The following PDE1C variants were observed in gnomAD, a reference collection of about 807,000 sequenced individuals.
The protein encoded by PDE1C is phosphodiesterase 1C.
In PDE1C, 62 loss-of-function variants were observed where a neutral mutation model predicts 93.1. That is an observed-to-expected ratio of 0.67 (90% CI 0.54 to 0.82). The LOEUF is 0.82. PDE1C is among the 40% of genes least tolerant of loss of function. The probability of loss-of-function intolerance (pLI) is 0.00; values close to 1 mark genes in which losing one functional copy is unlikely to be tolerated. For synonymous variants in PDE1C, 325 were observed against 310.1 expected (o/e 1.05, Z -0.50); for missense variants, 742 against 884.6 (o/e 0.84, Z 2.04).
At chr7:31,960,003 T>C (rs1399085239) in intron 2 of PDE1C, among the ~76,000 whole-genome samples, 1 of 150,748 alleles carries the variant, frequency 6.6e-6, no homozygotes, top group Non-Finnish European at 1.5e-5. Flanking sequence ...ATAGCTGGGA[T>C]TACAAGCGCC....
intron 2 of PDE1C, among the ~76,000 whole-genome samples, chr7:32,020,488 G>A (rs1563204868): frequency 1.3e-5 from 2 of 152,004 alleles, no homozygotes; most frequent in African/African-American, 4.8e-5. Context: ...ACAAGGACCT[G>A]AAAAATACCA....
chr7:32,055,109 C>T (rs897068131), intron 1 of PDE1C, among the ~76,000 whole-genome samples: 4 of 152,204 alleles, frequency 2.6e-5, no homozygotes, highest in African/African-American at 4.8e-5. Flanking sequence ...GCTAGTGTTT[C>T]TTCCTTGTCA....
At chr7:31,621,055 G>GA in the PDE1C span, among the ~76,000 whole-genome samples, 3 of 151,582 alleles carry the variant, frequency 2.0e-5, no homozygotes, top group Non-Finnish European at 4.4e-5. Context: ...GAAGTTTAGA[G>GA]AAAAAAGAAT....
chr7:32,180,448 T>C (rs750543690), intron 2 of PDE1C, among the ~76,000 whole-genome samples: 1 of 152,206 alleles, frequency 6.6e-6, no homozygotes, highest in Non-Finnish European at 1.5e-5. Context: ...GTGTGGCCTT[T>C]GGGAGGTGAT....
At chr7:31,735,349 G>T in the PDE1C span, among the ~76,000 whole-genome samples, 4 of 150,300 alleles carry the variant, frequency 2.7e-5, no homozygotes, top group Admixed American at 2.0e-4. Context: ...AGTGAGCTGA[G>T]ATCATGCCAT....
In PDE1C at chr7:31,865,040, C is replaced by A. The variant is rs368914009; in HGVS notation, c.652G>T (p.Val218Leu). The A allele has an allele frequency of 6.2e-7, 1 of 1,613,954 alleles. No homozygotes were observed. The highest frequency in any genetic ancestry group is 8.5e-7 in the Non-Finnish European group (1 of 1,179,986). ...GGATTTTTGTGCTTGCTGTATCCCA[C>A]TTCCAGGGCCTCCACAAATGAGACA... ...ALVSFVEALEVGYSKHKNPYH... is the reference protein window; with the variant it reads ...ALVSFVEALELGYSKHKNPYH... Residue 218 changes from valine (V) to leucine (L), a missense_variant, in exon 7 of 18, where the codon GTG (valine) becomes TTG (leucine). Physicochemically the swap from Val to Leu is conservative, Grantham distance 32. Transcript: ENST00000396191.
rs576438462 is a variant in PDE1C at position 32,237,248 on chromosome 7, G to A, written c.86-27709C>T. On this transcript the variant is annotated intron_variant, in intron 1 of 18. Coordinates refer to the PDE1C transcript ENST00000396193. ...ACTATAGGCGCCTACCACCACGCCCGGCTAATTTTTTTGTATTTTTAATAG... is the reference window on the plus strand; with the variant it reads ...ACTATAGGCGCCTACCACCACGCCCAGCTAATTTTTTTGTATTTTTAATAG... 7.3e-5 allele frequency among the ~76,000 whole-genome samples: 11 copies of A among 151,136 alleles called. No individual in the cohort carries two copies. In the South Asian group the frequency reaches 8.4e-4, roughly 12 times the overall value.
intron 3 of PDE1C, chr7:32,078,106 A>G: frequency 1.2e-6 from 1 of 818,028 alleles, no homozygotes; most frequent in African/African-American, 1.8e-5. Flanking sequence ...AGTCAGCCAA[A>G]TTCTGACCCA....
the PDE1C span, chr7:31,707,430 C>T: frequency 1.6e-6 from 1 of 621,918 alleles, no homozygotes; most frequent in East Asian, 2.9e-5. Context: ...TGTATGCCAT[C>T]AAATTGCCAG....
chr7:31,720,050 C>G, the PDE1C span, among the ~76,000 whole-genome samples: 78 of 151,390 alleles, frequency 5.2e-4, 3 homozygotes, highest in Middle Eastern at 6.8e-3. Flanking sequence ...GTAGTCCCAG[C>G]TACTCGGGAG....
chr7:31,791,685 G>A (rs898195384), intron 16 of PDE1C, among the ~76,000 whole-genome samples: 1 of 152,070 alleles, frequency 6.6e-6, no homozygotes, highest in African/African-American at 2.4e-5. Context: ...AGACCCATTG[G>A]TTGGAAGGAA....
the PDE1C span, among the ~76,000 whole-genome samples, chr7:31,733,574 A>G: frequency 1.3e-5 from 2 of 152,238 alleles, no homozygotes; most frequent in African/African-American, 4.8e-5. Context: ...TTGCATCTGA[A>G]TCCTCATACA....
chr7:32,141,759 T>C (rs1164022213), intron 3 of PDE1C, among the ~76,000 whole-genome samples: 3 of 152,162 alleles, frequency 2.0e-5, no homozygotes, highest in Non-Finnish European at 4.4e-5. Context: ...AAACTCCAAA[T>C]AAAGTTTGAA....
intron 2 of PDE1C, among the ~76,000 whole-genome samples, chr7:31,961,842 C>G (rs561988527): frequency 6.6e-6 from 1 of 152,280 alleles, no homozygotes; most frequent in South Asian, 2.1e-4. Flanking sequence ...AAACCATTTT[C>G]TTTATGTCCT....
At chr7:32,218,993 G>A (rs1044712187) in intron 1 of PDE1C, among the ~76,000 whole-genome samples, 1 of 152,196 alleles carries the variant, frequency 6.6e-6, no homozygotes, top group African/African-American at 2.4e-5. Context: ...CCAAAGGCCT[G>A]GCCCCGAGCT....
chr7:32,299,360 C>T, upstream of PDE1C: 2 of 985,820 alleles, frequency 2.0e-6, no homozygotes, highest in Non-Finnish European at 2.4e-6. Context: ...TTCCTTCTAG[C>T]CACTGCCCCC....
intron 1 of PDE1C, among the ~76,000 whole-genome samples, chr7:32,389,948 G>A (rs1424117147): frequency 6.6e-6 from 1 of 152,126 alleles, no homozygotes; most frequent in Non-Finnish European, 1.5e-5. Context: ...TCATCCTCAT[G>A]TCTTCTCTCT....
At chr7:31,749,639 G>A (rs1239734282), downstream of PDE1C, among the ~76,000 whole-genome samples, 1 of 152,128 alleles carries the variant, frequency 6.6e-6, no homozygotes, top group Non-Finnish European at 1.5e-5. Flanking sequence ...TAGAAGAAGG[G>A]CGAGAAGATG....
chr7:32,031,029 T>G (rs943886444), intron 2 of PDE1C, among the ~76,000 whole-genome samples: 1 of 152,182 alleles, frequency 6.6e-6, no homozygotes, highest in Admixed American at 6.5e-5. Context: ...TCCTGTCCAC[T>G]GACATGCAAA....
Sources: gnomAD v4.1 joint callset for allele counts (sites outside exome capture counted in the v4.1 genomes callset) on GRCh38, gnomAD v4.1.1 for gene constraint, MANE v1.5 for transcripts, NCBI Gene and HGNC (gene_info 2026-07-23, HGNC 2026-07-21) for gene names.